Variants in ARHGAP25 observed in about 807,000 individuals in gnomAD.
ARHGAP25 encodes the protein rho GTPase-activating protein 25.
ARHGAP25 carries 34 observed loss-of-function variants against 71.0 expected under a neutral mutation model. That is an observed-to-expected ratio of 0.48 (90% CI 0.36 to 0.64). ARHGAP25 has a LOEUF of 0.64. Ranked by LOEUF, ARHGAP25 falls within the 30% of genes least tolerant of loss-of-function variation. The probability of loss-of-function intolerance (pLI) is 0.00; values close to 1 mark genes in which losing one functional copy is unlikely to be tolerated. For missense variants in ARHGAP25, 706 were observed against 805.1 expected, an observed-to-expected ratio of 0.88 and a Z score of 1.49; for synonymous variants, 282 against 296.5, an observed-to-expected ratio of 0.95 and a Z score of 0.50.
intron 2 of ARHGAP25, among the ~76,000 whole-genome samples, chr2:68,725,155 C>G (rs1674853925): frequency 6.6e-6 from 1 of 152,164 alleles, no homozygotes; most frequent in African/African-American, 2.4e-5. Context: ...CCTGCATCAC[C>G]TGCACAATCA....
intron 5 of ARHGAP25, among the ~76,000 whole-genome samples, chr2:68,808,944 G>A (rs1027502329): frequency 1.3e-5 from 2 of 152,070 alleles, no homozygotes; most frequent in African/African-American, 2.4e-5. Context: ...CTTACCTTGC[G>A]ACATCTCCAC....
chr2:68,775,921 T>C (rs545673277), intron 2 of ARHGAP25: 58 of 319,110 alleles, frequency 1.8e-4, no homozygotes, highest in South Asian at 1.4e-3. Context: ...GAAAAGTATG[T>C]AGTTTGTTAG....
chr2:68,816,236 A>C, intron 6 of ARHGAP25, 53 bp from the exon 7 acceptor site: 1 of 1,477,124 alleles, frequency 6.8e-7, no homozygotes, highest in African/African-American at 1.4e-5. Flanking sequence ...TTGCTGGCAC[A>C]TGGGCAGGCT....
At chr2:68,804,850 C>CCT (rs1680249158) in intron 4 of ARHGAP25, among the ~76,000 whole-genome samples, 1 of 152,198 alleles carries the variant, frequency 6.6e-6, no homozygotes, top group Non-Finnish European at 1.5e-5. Flanking sequence ...AATTTGTTGA[C>CCT]TGTCTACCTT....
chr2:68,729,639 A>G (rs1204517967), intron 2 of ARHGAP25, among the ~76,000 whole-genome samples: 1 of 152,254 alleles, frequency 6.6e-6, no homozygotes. Flanking sequence ...GATAATGCCA[A>G]CTGTTAGTGA....
intron 1 of ARHGAP25, among the ~76,000 whole-genome samples, chr2:68,766,208 G>A (rs776142936): frequency 2.2e-4 from 33 of 152,234 alleles, no homozygotes; most frequent in Admixed American, 3.9e-4. Flanking sequence ...GTTGGGCAGA[G>A]CTTACTGCAC....
At chr2:68,770,452 T>C (rs1677413702) in intron 1 of ARHGAP25, among the ~76,000 whole-genome samples, 2 of 152,172 alleles carry the variant, frequency 1.3e-5, no homozygotes, top group Admixed American at 6.5e-5. Flanking sequence ...TTTACAGCCA[T>C]CCAAAGTGGA....
chr2:68,776,137 C>G (rs1436067536), intron 2 of ARHGAP25, among the ~76,000 whole-genome samples: 1 of 151,994 alleles, frequency 6.6e-6, no homozygotes, highest in African/African-American at 2.4e-5. Flanking sequence ...GCTAAGGCAC[C>G]AAAGGGAGCA....
At chr2:68,749,420 T>C (rs1676027720) in intron 1 of ARHGAP25, among the ~76,000 whole-genome samples, 1 of 152,168 alleles carries the variant, frequency 6.6e-6, no homozygotes, top group Non-Finnish European at 1.5e-5. Flanking sequence ...CCTGTCCACC[T>C]CCTACCTAGA....
At chr2:68,725,917 C>G (rs1421377063) in intron 2 of ARHGAP25, among the ~76,000 whole-genome samples, 1 of 152,166 alleles carries the variant, frequency 6.6e-6, no homozygotes, top group Non-Finnish European at 1.5e-5. Flanking sequence ...TCATTCTCAA[C>G]CTGGCTTAGG....
chr2:68,758,306 A>G (rs1676601101), intron 1 of ARHGAP25, among the ~76,000 whole-genome samples: 1 of 151,920 alleles, frequency 6.6e-6, no homozygotes, highest in Non-Finnish European at 1.5e-5. Flanking sequence ...TCACCATTAA[A>G]AAGACAAAGA....
intron 2 of ARHGAP25, among the ~76,000 whole-genome samples, chr2:68,716,056 G>C (rs902045756): frequency 1.1e-4 from 17 of 152,184 alleles, no homozygotes; most frequent in African/African-American, 3.6e-4. Context: ...CTGAGCTGTT[G>C]TTCCCTCTGC....
chr2:68,805,736 A>C (rs1008752142), intron 4 of ARHGAP25, among the ~76,000 whole-genome samples: 1 of 152,164 alleles, frequency 6.6e-6, no homozygotes, highest in Non-Finnish European at 1.5e-5. Flanking sequence ...GTACAGCTCT[A>C]TACAGGTGGA....
intron 4 of ARHGAP25, among the ~76,000 whole-genome samples, chr2:68,789,989 T>TATC (rs1196054268): frequency 6.6e-6 from 1 of 152,220 alleles, no homozygotes; most frequent in East Asian, 1.9e-4. Flanking sequence ...CTCAGATTAT[T>TATC]ATTATTATTA....
intron 2 of ARHGAP25, among the ~76,000 whole-genome samples, chr2:68,721,743 A>G (rs1674767785): frequency 6.6e-6 from 1 of 152,248 alleles, no homozygotes; most frequent in Admixed American, 6.5e-5. Flanking sequence ...GGTTTGTCTT[A>G]AAAATACAGT....
At chr2:68,784,736 C>A (rs1678624128) in intron 3 of ARHGAP25, among the ~76,000 whole-genome samples, 1 of 152,174 alleles carries the variant, frequency 6.6e-6, no homozygotes, top group Non-Finnish European at 1.5e-5. Flanking sequence ...AGTACTATTG[C>A]AGGACTGGGA....
intron 4 of ARHGAP25, among the ~76,000 whole-genome samples, chr2:68,802,953 A>G (rs1680107403): frequency 7.0e-6 from 1 of 143,022 alleles, no homozygotes; most frequent in Admixed American, 7.1e-5. Flanking sequence ...GTGTGTGTAT[A>G]TATATACACA....
At position 68,768,359 on chromosome 2, in the gene ARHGAP25, C is replaced by T. The variant is rs544751574; in HGVS notation, c.62-6862C>T. Reference sequence around the variant, plus strand: ...GATGCAGTGAACATATCCAGAAATCCCGCCAATAGGTAAATTGGCCAATAT... The same window carrying T: ...GATGCAGTGAACATATCCAGAAATCTCGCCAATAGGTAAATTGGCCAATAT... On this transcript the variant is annotated intron_variant, in intron 1 of 10. Coordinates refer to ENST00000409202, the MANE Select transcript of ARHGAP25 (RefSeq NM_001007231.3). Among the ~76,000 whole-genome samples, 63 of 152,316 alleles carry T rather than the reference C, an allele frequency of 4.1e-4. 1 individual carries two copies. The Middle Eastern group carries it at 0.017, about 41-fold the overall frequency.
chr2:68,785,297 T>G (rs961131577), intron 3 of ARHGAP25, among the ~76,000 whole-genome samples: 3 of 152,052 alleles, frequency 2.0e-5, no homozygotes, highest in Admixed American at 6.5e-5. Flanking sequence ...AAGTAAGTAG[T>G]GGGGGCAAGG....
Sources: gnomAD v4.1 joint callset for allele counts (sites outside exome capture counted in the v4.1 genomes callset) on GRCh38, gnomAD v4.1.1 for gene constraint, MANE v1.5 for transcripts, NCBI Gene and HGNC (gene_info 2026-07-23, HGNC 2026-07-21) for gene names.